Variants in TMEM243 observed in about 807,000 individuals in gnomAD.
The protein encoded by TMEM243 is transmembrane protein 243, also known as MDR1 and mitochondrial taxol resistance associated.
Under a neutral mutation model 15.0 loss-of-function variants are expected in TMEM243, and 20 were observed. That is an observed-to-expected ratio of 1.33 (90% CI 0.94 to 1.93). TMEM243 has a LOEUF of 1.93. Ranked by LOEUF, TMEM243 falls within the 30% of genes most tolerant of loss-of-function variation. The probability of loss-of-function intolerance (pLI) is 0.00; values close to 1 mark genes in which losing one functional copy is unlikely to be tolerated. For synonymous variants in TMEM243, 72 were observed against 52.7 expected (o/e 1.37, Z -1.59); for missense variants, 156 against 142.1 (o/e 1.10, Z -0.50).
chr7:87,219,453 T>C lies in TMEM243; in HGVS notation c.51A>G (p.Arg17=), dbSNP rs1382139687. ...TGGCGGACGTCTCCCCAAACAGAGG[T>C]CTGTTGTCCAGGCCACTGGTGCCGT... is the stretch of plus-strand genomic sequence containing the variant. ...RTYGTSGLDN[R]PLFGETSAKD... Residue 17 remains arginine (R), a synonymous_variant, in exon 1 of 4, where the codon AGA becomes AGG. Transcript: ENST00000257637. The C allele has an allele frequency of 6.2e-7, 1 of 1,614,092 alleles. No homozygotes were observed. The highest frequency in any genetic ancestry group is 2.2e-5 in the East Asian group (1 of 44,874).
At chr7:87,218,710 G>C (rs1803280829) in intron 1 of TMEM243, 1 of 152,098 alleles carries the variant, frequency 6.6e-6, no homozygotes, top group Non-Finnish European at 1.5e-5. Flanking sequence ...ACTGGGACCA[G>C]CCAACCAATG....
intron 1 of TMEM243, among the ~76,000 whole-genome samples, chr7:87,215,827 T>C (rs2129239400): frequency 6.6e-6 from 1 of 152,326 alleles, no homozygotes; most frequent in East Asian, 1.9e-4. Context: ...GATGAACACC[T>C]TTCGTTTTTT....
chr7:87,215,467 G>C (rs1205616057), intron 1 of TMEM243, among the ~76,000 whole-genome samples: 1 of 152,106 alleles, frequency 6.6e-6, no homozygotes, highest in Admixed American at 6.5e-5. Flanking sequence ...TGGAAATAAG[G>C]GGTTAAATAA....
rs768302736 is a variant in TMEM243, at chr7:87,196,796, AAT to A, written c.235-40_235-39del. On this transcript the variant is annotated intron_variant, in intron 3 of 3. Coordinates refer to ENST00000257637, the MANE Select transcript of TMEM243 (RefSeq NM_024315.4). ...TTAAAGTTTATAAATTAAAATTTGA[AAT>A]ATAACATTTTCTCTACCAATTTCAA... 9.2e-6 allele frequency: 13 copies of A among 1,408,266 alleles called. No individual in the cohort carries two copies. The South Asian group carries it at 1.4e-4, about 15-fold the overall frequency. The allele number at this position is 1,408,266 out of a possible 1,614,324, so 87.2% of individuals were successfully genotyped here.
chr7:87,210,857 T>G (rs899785545), intron 1 of TMEM243, among the ~76,000 whole-genome samples: 5 of 152,224 alleles, frequency 3.3e-5, no homozygotes, highest in African/African-American at 9.6e-5. Context: ...CTCTGAAATC[T>G]AGGCGGAGGC....
intron 2 of TMEM243, 100 bp downstream of exon 2, chr7:87,198,907 A>T: frequency 9.3e-7 from 1 of 1,078,460 alleles, no homozygotes; most frequent in Non-Finnish European, 1.3e-6. Flanking sequence ...TAATAAAATT[A>T]AAAGCACTTA....
At chr7:87,219,318 C>T in intron 1 of TMEM243, 108 bp downstream of exon 1, 3 of 1,010,706 alleles carry the variant, frequency 3.0e-6, no homozygotes, top group Non-Finnish European at 4.6e-6. Context: ...CCAGCTTCCT[C>T]CCTAAAAGTG....
In TMEM243 at chr7:87,219,713, G is replaced by C. The variant is rs916529815; in HGVS notation, c.-210C>G. 3.4e-6 allele frequency: 2 copies of C among 580,272 alleles called. No individual in the cohort carries two copies. The highest frequency in any genetic ancestry group is 1.9e-5 in the African/African-American group (1 of 53,096). The allele number at this position is 580,272 out of a possible 1,614,324, so 35.9% of individuals were successfully genotyped here. ...CCGGCCCCGCGCACCTCCTCATCTT[G>C]AGCAGCTGCCGCAGGAAGTGAAAGG... On this transcript the variant is annotated 5_prime_UTR_variant, in exon 1 of 4. Coordinates refer to ENST00000257637, the MANE Select transcript of TMEM243 (RefSeq NM_024315.4).
At chr7:87,218,381 G>C (rs1392485324) in intron 1 of TMEM243, among the ~76,000 whole-genome samples, 1 of 152,196 alleles carries the variant, frequency 6.6e-6, no homozygotes, top group African/African-American at 2.4e-5. Flanking sequence ...AATCCACGTG[G>C]AGTTTAAAAA....
At chr7:87,204,668 C>T (rs1802075230) in intron 1 of TMEM243, among the ~76,000 whole-genome samples, 1 of 152,230 alleles carries the variant, frequency 6.6e-6, no homozygotes, top group Non-Finnish European at 1.5e-5. Context: ...TTCCCATGGT[C>T]TTGGGTGGCT....
intron 1 of TMEM243, among the ~76,000 whole-genome samples, chr7:87,213,505 T>C (rs1802901657): frequency 6.6e-6 from 1 of 152,204 alleles, no homozygotes; most frequent in African/African-American, 2.4e-5. Context: ...CCTCAGAGAA[T>C]AGCATTGGTA....
intron 1 of TMEM243, among the ~76,000 whole-genome samples, chr7:87,209,755 C>CGAGACACAGTGAGAGCGAGACACAGTGA (rs1802566939): frequency 7.0e-5 from 1 of 14,372 alleles, no homozygotes; most frequent in Non-Finnish European, 1.8e-4. Context: ...AGACACAGAG[C>CGAGACACAGTGAGAGCGAGACACAGTGA]GAGACAGTGA....
chr7:87,211,492 CTTA>C (rs1231888159), intron 1 of TMEM243, among the ~76,000 whole-genome samples: 1 of 152,226 alleles, frequency 6.6e-6, no homozygotes, highest in African/African-American at 2.4e-5. Context: ...CTCAAGCAAA[CTTA>C]AGGGTCCCAA....
At chr7:87,213,247 G>T (rs1038484813) in intron 1 of TMEM243, among the ~76,000 whole-genome samples, 5 of 152,202 alleles carry the variant, frequency 3.3e-5, no homozygotes, top group African/African-American at 1.2e-4. Flanking sequence ...CACACCCAGA[G>T]ATTACAGTCC....
chr7:87,209,248 C>A (rs1396979314), intron 1 of TMEM243, among the ~76,000 whole-genome samples: 1 of 147,742 alleles, frequency 6.8e-6, no homozygotes, highest in African/African-American at 2.5e-5. Flanking sequence ...AGGAAACTTA[C>A]AATCATGGTG....
chr7:87,211,991 C>T (rs1802786496), intron 1 of TMEM243, among the ~76,000 whole-genome samples: 1 of 152,246 alleles, frequency 6.6e-6, no homozygotes, highest in African/African-American at 2.4e-5. Context: ...ACAACTTTTA[C>T]ACTCGATTCT....
At chr7:87,208,300 A>G (rs1370752522) in intron 1 of TMEM243, among the ~76,000 whole-genome samples, 3 of 152,244 alleles carry the variant, frequency 2.0e-5, no homozygotes, top group Non-Finnish European at 4.4e-5. Flanking sequence ...GAGTATAGGC[A>G]TTGGGTAAAT....
chr7:87,203,983 C>A (rs1349497338), intron 1 of TMEM243, among the ~76,000 whole-genome samples: 1 of 152,088 alleles, frequency 6.6e-6, no homozygotes, highest in African/African-American at 2.4e-5. Context: ...AAAGACATAC[C>A]CAAAACCAGG....
At chr7:87,210,375 C>T (rs927473213) in intron 1 of TMEM243, among the ~76,000 whole-genome samples, 1 of 152,202 alleles carries the variant, frequency 6.6e-6, no homozygotes, top group Admixed American at 6.5e-5. Flanking sequence ...GAAGTCTTAA[C>T]TCATTCCAGC....
Sources: allele counts gnomAD v4.1 joint callset (sites outside exome capture counted in the v4.1 genomes callset), GRCh38; gene constraint gnomAD v4.1.1; transcripts MANE v1.5; gene names NCBI Gene and HGNC (gene_info 2026-07-23, HGNC 2026-07-21).